SLC17A1: variants seen among roughly 807,000 people sequenced by gnomAD.
SLC17A1 encodes the protein solute carrier family 17 member 1, also known as sodium-dependent phosphate transport protein 1.
A neutral mutation model predicts 53.5 loss-of-function variants in SLC17A1; 51 were observed. That is an observed-to-expected ratio of 0.95 (90% CI 0.76 to 1.20). SLC17A1 has a LOEUF of 1.20. Among genes scored for constraint, SLC17A1 ranks in the 50% most tolerant of loss-of-function variants. The probability of loss-of-function intolerance (pLI) is 0.00; values close to 1 mark genes in which losing one functional copy is unlikely to be tolerated. For synonymous variants in SLC17A1, 179 were observed against 198.8 expected (o/e 0.90, Z 0.84); for missense variants, 538 against 568.2 (o/e 0.95, Z 0.54).
At chr6:25,776,945 G>C in the SLC17A1 span, 1 of 1,612,604 alleles carries the variant, frequency 6.2e-7, no homozygotes, top group South Asian at 1.1e-5. Context: ...TTAACTTCTT[G>C]GATATTGCTC....
chr6:25,787,732 T>C (rs1245709778), intron 12 of SLC17A1, among the ~76,000 whole-genome samples: 2 of 152,204 alleles, frequency 1.3e-5, no homozygotes, highest in African/African-American at 4.8e-5. Flanking sequence ...AACTACTGTG[T>C]CAGTTGGTCT....
At chr6:25,742,121 G>A in the SLC17A1 span, among the ~76,000 whole-genome samples, 1 of 152,248 alleles carries the variant, frequency 6.6e-6, no homozygotes, top group African/African-American at 2.4e-5. Context: ...TAAAACTACA[G>A]CCAAAGCCTC....
rs760739482 is a variant in SLC17A1 at position 25,812,920 on chromosome 6, C to T, written c.808G>A (p.Gly270Ser). The part of the protein sequence containing the change: ...KSLPVWAIST[G>S]SFTFFWSHNI... ...TGTGACCAGAAAAACGTAAAACTAC[C>T]AGTGGAAATAGCCCAGACTGGAAGC... is the stretch of plus-strand genomic sequence containing the variant. Residue 270 changes from glycine (G) to serine (S), a missense_variant, in exon 8 of 13, where the codon GGT becomes AGT. By Grantham distance (56) the Gly-to-Ser change is moderately conservative. Transcript: ENST00000244527. 3.1e-6 allele frequency: 5 copies of T among 1,613,456 alleles called. No individual in the cohort carries two copies. The highest frequency in any genetic ancestry group is 3.3e-5 in the Admixed American group (2 of 59,980).
At chr6:25,795,616 C>T (rs1214828784) in intron 12 of SLC17A1, among the ~76,000 whole-genome samples, 1 of 151,982 alleles carries the variant, frequency 6.6e-6, no homozygotes, top group Non-Finnish European at 1.5e-5. Context: ...AAGGAGACGG[C>T]TCTCAAAGTG....
At chr6:25,758,928 C>T in the SLC17A1 span, among the ~76,000 whole-genome samples, 5 of 152,026 alleles carry the variant, frequency 3.3e-5, no homozygotes, top group East Asian at 1.9e-4. Flanking sequence ...TTGATGTAGG[C>T]ATTTAATGGT....
the SLC17A1 span, among the ~76,000 whole-genome samples, chr6:25,727,669 G>C: frequency 6.6e-6 from 1 of 152,062 alleles, no homozygotes; most frequent in Non-Finnish European, 1.5e-5. Flanking sequence ...CTACAGGCGT[G>C]AGCCACTGCG....
At chr6:25,769,048 C>G in the SLC17A1 span, 1 of 1,614,054 alleles carries the variant, frequency 6.2e-7, no homozygotes. Context: ...TCAATTTACA[C>G]CCAACAAATG....
At chr6:25,741,932 G>A in the SLC17A1 span, among the ~76,000 whole-genome samples, 79 of 152,106 alleles carry the variant, frequency 5.2e-4, 1 homozygote, top group Middle Eastern at 3.4e-3. Context: ...ATCCTTGGCC[G>A]ACAGACAAAA....
intron 10 of SLC17A1, among the ~76,000 whole-genome samples, chr6:25,804,631 T>C (rs565872481): frequency 8.9e-4 from 135 of 152,202 alleles, no homozygotes; most frequent in African/African-American, 3.0e-3. Context: ...TTTGCTGTCT[T>C]AAAGAGACTC....
downstream of SLC17A1, chr6:25,781,144 G>A (rs542927236): frequency 6.7e-6 from 1 of 150,162 alleles, no homozygotes; most frequent in South Asian, 2.1e-4. Flanking sequence ...AAGAATTCCA[G>A]TATTTAATGG....
chr6:25,729,395 C>T, the SLC17A1 span, among the ~76,000 whole-genome samples: 2 of 152,178 alleles, frequency 1.3e-5, no homozygotes, highest in African/African-American at 2.4e-5. Flanking sequence ...ATACTAGTTA[C>T]AGTTGCAAGT....
chr6:25,807,456 GT>G (rs1196384750), intron 10 of SLC17A1, among the ~76,000 whole-genome samples: 3 of 152,004 alleles, frequency 2.0e-5, no homozygotes, highest in Non-Finnish European at 1.5e-5. Context: ...AATGCCGTAT[GT>G]TTTTTAAAAT....
intron 12 of SLC17A1, among the ~76,000 whole-genome samples, chr6:25,783,601 AAC>A (rs1179063022): frequency 2.6e-5 from 4 of 152,214 alleles, no homozygotes; most frequent in African/African-American, 9.6e-5. Context: ...AAAGCAAAAA[AAC>A]ACAGTGCACA....
At chr6:25,765,715 A>G in the SLC17A1 span, among the ~76,000 whole-genome samples, 45,359 of 152,050 alleles carry the variant, frequency 0.3, 7,747 homozygotes, top group East Asian at 0.74. Flanking sequence ...ATTTGAGAAA[A>G]GGAAGAAAAC....
At chr6:25,769,337 C>T in the SLC17A1 span, 217 of 774,958 alleles carry the variant, frequency 2.8e-4, no homozygotes, top group African/African-American at 2.7e-3. Flanking sequence ...AGTATCAGGC[C>T]GAGCATGGTG....
intron 1 of SLC17A1, among the ~76,000 whole-genome samples, 181 bp downstream of exon 1, chr6:25,831,813 A>G (rs1764959611): frequency 6.6e-6 from 1 of 152,126 alleles, no homozygotes; most frequent in African/African-American, 2.4e-5. Flanking sequence ...ACTGATTGCT[A>G]AAAATATGTT....
At position 25,797,360 on chromosome 6, in the gene SLC17A1, T is replaced by A. The variant is rs545160761; in HGVS notation, c.*2+1423A>T. Among the ~76,000 whole-genome samples the A allele has an allele frequency of 3.3e-5, 5 of 152,296 alleles. No homozygotes were observed. In the South Asian group the frequency reaches 8.3e-4, roughly 25 times the overall value. On this transcript the variant is annotated intron_variant, in intron 12 of 12. Transcript: ENST00000244527. ...GCTCAATGAATTATTATAGGATAAA[T>A]GTTTGTAATCACTAGCCTGGACATG...
At chr6:25,733,442 G>GT in the SLC17A1 span, among the ~76,000 whole-genome samples, 1 of 152,100 alleles carries the variant, frequency 6.6e-6, no homozygotes, top group African/African-American at 2.4e-5. Context: ...TAGGGCGCAT[G>GT]TTTTCTTCTG....
chr6:25,738,835 G>A, the SLC17A1 span, among the ~76,000 whole-genome samples: 6 of 152,224 alleles, frequency 3.9e-5, no homozygotes, highest in African/African-American at 1.4e-4. Context: ...CTAGGATGAG[G>A]TATCACTACA....
Sources: allele counts gnomAD v4.1 joint callset (sites outside exome capture counted in the v4.1 genomes callset), GRCh38; gene constraint gnomAD v4.1.1; transcripts MANE v1.5; gene names NCBI Gene and HGNC (gene_info 2026-07-23, HGNC 2026-07-21).